Variants in ZNF827 observed in about 807,000 individuals in gnomAD.
ZNF827 encodes zinc finger protein 827.
Under a neutral mutation model 102.4 loss-of-function variants are expected in ZNF827, and 13 were observed. The observed-to-expected ratio is 0.13, with a 90% CI of 0.08 to 0.20. The LOEUF (loss-of-function observed/expected upper bound fraction) is 0.20. ZNF827 is among the 10% of genes least tolerant of loss of function. The probability of loss-of-function intolerance (pLI) is 1.00; values close to 1 mark genes in which losing one functional copy is unlikely to be tolerated. For missense variants in ZNF827, 1,103 were observed against 1,344.4 expected (o/e 0.82, Z 2.81); for synonymous variants, 523 against 536.2 (o/e 0.98, Z 0.34).
intron 1 of ZNF827, among the ~76,000 whole-genome samples, chr4:145,935,297 TC>T (rs1169658468): frequency 2.0e-5 from 3 of 152,218 alleles, no homozygotes; most frequent in African/African-American, 7.2e-5. Flanking sequence ...ACAATTATAT[TC>T]GACATTAAAT....
chr4:145,843,238 C>A (rs1449048796), intron 7 of ZNF827, among the ~76,000 whole-genome samples: 54 of 134,824 alleles, frequency 4.0e-4, no homozygotes, highest in Admixed American at 2.7e-3. Context: ...AAAAAAAAAA[C>A]CACACCGAGG....
chr4:145,913,037 C>A (rs1752399975), intron 1 of ZNF827, among the ~76,000 whole-genome samples: 1 of 152,106 alleles, frequency 6.6e-6, no homozygotes, highest in Non-Finnish European at 1.5e-5. Context: ...CATTGCTGAT[C>A]AGTGTTAAGT....
chr4:145,764,175 T>A (rs1734934310), intron 13 of ZNF827, among the ~76,000 whole-genome samples: 1 of 152,378 alleles, frequency 6.6e-6, no homozygotes, highest in South Asian at 2.1e-4. Flanking sequence ...TAATTATGCC[T>A]TGAAAACTGT....
intron 3 of ZNF827, among the ~76,000 whole-genome samples, chr4:145,887,368 A>G (rs923262991): frequency 2.0e-5 from 3 of 152,210 alleles, no homozygotes; most frequent in African/African-American, 7.2e-5. Flanking sequence ...TCTGAATGCA[A>G]TCCAAAAGCA....
chr4:145,888,075 T>C (rs1750272322), intron 3 of ZNF827, among the ~76,000 whole-genome samples: 1 of 152,206 alleles, frequency 6.6e-6, no homozygotes, highest in South Asian at 2.1e-4. Flanking sequence ...TGTGCATGTA[T>C]TTTATGTGAC....
At chr4:145,815,415 G>A (rs912745467) in intron 8 of ZNF827, among the ~76,000 whole-genome samples, 1 of 152,154 alleles carries the variant, frequency 6.6e-6, no homozygotes, top group African/African-American at 2.4e-5. Flanking sequence ...ATGAAGTCCT[G>A]GACCATCATT....
At chr4:145,924,126 G>T (rs191300912) in intron 1 of ZNF827, among the ~76,000 whole-genome samples, 3 of 152,316 alleles carry the variant, frequency 2.0e-5, no homozygotes, top group African/African-American at 7.2e-5. Flanking sequence ...GGTAACCATT[G>T]AATGAAACAC....
intron 11 of ZNF827, among the ~76,000 whole-genome samples, chr4:145,767,641 G>A (rs1269882103): frequency 6.6e-6 from 1 of 152,206 alleles, no homozygotes; most frequent in Admixed American, 6.5e-5. Context: ...TATGTGCACA[G>A]GAACAAAAAC....
rs1415277187 is a variant in ZNF827, at chr4:145,765,205, GC to G, written c.3053-41del. On this transcript the variant is annotated intron_variant, in intron 12 of 14. Transcript: ENST00000508784. The surrounding 1 kb of genome is among the most constrained non-coding windows in gnomAD (Gnocchi z 4.7). Reference sequence around the variant, plus strand: ...GCTGGGTATAGAGGTGCACAGGGCAGCGGGGAGAGGAGGGCAGGAGTGGAGC... The same window carrying G: ...GCTGGGTATAGAGGTGCACAGGGCAGGGGGAGAGGAGGGCAGGAGTGGAGC... 2.6e-6 allele frequency: 4 copies of G among 1,544,702 alleles called. No individual in the cohort carries two copies. Among genetic ancestry groups the G allele is most frequent in the Non-Finnish European group, 3.5e-6 (4 of 1,143,098 alleles).
chr4:145,932,917 C>T (rs910811687), intron 1 of ZNF827, among the ~76,000 whole-genome samples: 3 of 152,180 alleles, frequency 2.0e-5, no homozygotes, highest in African/African-American at 7.2e-5. Context: ...TCCCTTCGAA[C>T]TCTCCTAATA....
chr4:145,911,865 G>T (rs1448129248), intron 1 of ZNF827, among the ~76,000 whole-genome samples: 2 of 152,184 alleles, frequency 1.3e-5, no homozygotes, highest in African/African-American at 4.8e-5. Context: ...TTTGTTGAAT[G>T]AATGAACAAT....
At chr4:145,841,898 C>A (rs1469710369) in intron 7 of ZNF827, among the ~76,000 whole-genome samples, 4 of 151,410 alleles carry the variant, frequency 2.6e-5, no homozygotes, top group African/African-American at 9.8e-5. Flanking sequence ...ATTTAAGCAG[C>A]TGAGTTTAAG....
chr4:145,933,798 A>C (rs1753974570), intron 1 of ZNF827, among the ~76,000 whole-genome samples: 3 of 151,546 alleles, frequency 2.0e-5, no homozygotes, highest in Admixed American at 6.6e-5. Context: ...AAAAAAAAAA[A>C]AACAAAAAAA....
intron 5 of ZNF827, among the ~76,000 whole-genome samples, chr4:145,860,539 G>A (rs1450139648): frequency 6.6e-6 from 1 of 152,168 alleles, no homozygotes; most frequent in Non-Finnish European, 1.5e-5. Flanking sequence ...AAATGTGATG[G>A]GTCGCACATA....
intron 2 of ZNF827, among the ~76,000 whole-genome samples, chr4:145,892,770 G>GAAT (rs1012759031): frequency 1.3e-5 from 2 of 152,258 alleles, no homozygotes; most frequent in African/African-American, 4.8e-5. Context: ...AGAGAAGTCT[G>GAAT]AATGCAGGGG....
intron 8 of ZNF827, among the ~76,000 whole-genome samples, chr4:145,812,657 A>G (rs544795234): frequency 1.2e-4 from 18 of 152,208 alleles, no homozygotes; most frequent in African/African-American, 4.1e-4. Flanking sequence ...CCTCCTGGGT[A>G]GGTGGGACTA....
chr4:145,786,741 G>A (rs1020203907), intron 8 of ZNF827, among the ~76,000 whole-genome samples: 1 of 152,202 alleles, frequency 6.6e-6, no homozygotes, highest in Non-Finnish European at 1.5e-5. Context: ...GTGAAGCTAA[G>A]AGTCAGCTGT....
chr4:145,802,723 G>A (rs1238735709), intron 8 of ZNF827, among the ~76,000 whole-genome samples: 3 of 152,226 alleles, frequency 2.0e-5, no homozygotes, highest in African/African-American at 7.2e-5. Context: ...CCTGGGACAT[G>A]AAGGCGGGAG....
In ZNF827 at chr4:145,870,258, G is replaced by A; in HGVS notation, c.1968C>T (p.Leu656=). The stretch of plus-strand genomic sequence containing the variant: ...TAAATCAAGTACCTGAGAGTTTCAT[G>A]AGAAGTTCAGAGGCTGCTTTGACTG... The part of the protein sequence containing the change: ...DVSVKAASEL[L]MKLSAESYKE... Residue 656 remains leucine (L), a synonymous_variant, in exon 5 of 15, where the codon CTC becomes CTT. Transcript: ENST00000508784. 2 of 1,613,780 alleles carry A rather than the reference G, an allele frequency of 1.2e-6. No individual in the cohort carries two copies. The highest frequency in any genetic ancestry group is 1.7e-6 in the Non-Finnish European group (2 of 1,179,816).
Sources: gnomAD v4.1 joint callset for allele counts (sites outside exome capture counted in the v4.1 genomes callset) on GRCh38, gnomAD v4.1.1 for gene constraint, Gnocchi (gnomAD v3.1) non-coding constraint, MANE v1.5 for transcripts, NCBI Gene and HGNC (gene_info 2026-07-23, HGNC 2026-07-21) for gene names.